GLI2: variants seen among roughly 807,000 people sequenced by gnomAD.
GLI2 encodes transcription activator GLI2.
Under a neutral mutation model 78.9 loss-of-function variants are expected in GLI2, and 22 were observed. The observed-to-expected ratio is 0.28, with a 90% CI of 0.20 to 0.40. The LOEUF (loss-of-function observed/expected upper bound fraction) is 0.40. Among genes scored for constraint, GLI2 ranks in the 10% least tolerant of loss-of-function variants. The pLI is 1.00. For synonymous variants in GLI2, 974 were observed against 963.7 expected, an observed-to-expected ratio of 1.01 and a Z score of -0.20; for missense variants, 2,097 against 2,213.2, an observed-to-expected ratio of 0.95 and a Z score of 1.05.
intron 5 of GLI2, among the ~76,000 whole-genome samples, chr2:120,957,558 C>T (rs1446190968): frequency 6.6e-6 from 1 of 152,242 alleles, no homozygotes; most frequent in Non-Finnish European, 1.5e-5. Context: ...AAGCAGGACC[C>T]TTCTTCCAAG....
chr2:120,755,684 C>T (rs1040509651), intron 1 of GLI2, among the ~76,000 whole-genome samples: 5 of 151,812 alleles, frequency 3.3e-5, no homozygotes, highest in African/African-American at 4.8e-5. Flanking sequence ...AGGATTTTCT[C>T]TTATGTTTTC....
rs1292942719 is a variant in GLI2, at chr2:120,988,803, C to T, written c.2838C>T (p.Gly946=). The change falls in exon 14 of 14, where the codon GGC becomes GGT. Residue 946 remains glycine, a synonymous_variant. Coordinates refer to ENST00000361492, the MANE Select transcript of GLI2 (RefSeq NM_001374353.1). ...CCGCCTTCCCCCACGAGGCTCCAGG[C>T]GGCGGAGCCAGGCGGGCCAGCGACC... ...AAPAFPHEAP[G]GGARRASDPV... is the part of the protein sequence containing the mutation. 8 of 1,398,344 alleles carry T rather than the reference C, an allele frequency of 5.7e-6. No individual in the cohort carries two copies. The highest frequency in any genetic ancestry group is 1.5e-5 in the African/African-American group (1 of 65,532). 86.6% of individuals were successfully genotyped at this position (1,398,344 alleles called of 1,614,324 possible).
At chr2:120,847,118 C>T (rs999646107) in intron 2 of GLI2, among the ~76,000 whole-genome samples, 22 of 151,946 alleles carry the variant, frequency 1.4e-4, no homozygotes, top group African/African-American at 4.8e-4. Context: ...AACCAATCAT[C>T]CGGGTTTGCC....
chr2:120,938,152 G>A (rs1398533740), intron 3 of GLI2, among the ~76,000 whole-genome samples: 1 of 152,154 alleles, frequency 6.6e-6, no homozygotes, highest in East Asian at 1.9e-4. Flanking sequence ...CACCTGGAGA[G>A]GGCCTAAGCA....
Position 120,736,207 on chromosome 2 carries a change from G to A in GLI2, c.-109G>A, listed in dbSNP as rs1168943923. On this transcript the variant is annotated 5_prime_UTR_variant, in exon 1 of 14. Coordinates refer to ENST00000361492, the MANE Select transcript of GLI2 (RefSeq NM_001374353.1). ...AGCCGAGGGTCGCCGCGCCAGCCAAGGTGGGATGGGGGCCCACAGCCACCG... is the reference window on the plus strand; with the variant it reads ...AGCCGAGGGTCGCCGCGCCAGCCAAAGTGGGATGGGGGCCCACAGCCACCG... The A allele has an allele frequency of 1.3e-5, 2 of 152,150 alleles. No individual in the cohort carries two copies. Among genetic ancestry groups the A allele is most frequent in the Admixed American group, 6.5e-5 (1 of 15,282 alleles). 9.4% of individuals were successfully genotyped at this position (152,150 alleles called of 1,614,324 possible).
At chr2:120,786,345 C>G (rs1294367445) in intron 1 of GLI2, among the ~76,000 whole-genome samples, 4 of 152,210 alleles carry the variant, frequency 2.6e-5, no homozygotes, top group Non-Finnish European at 5.9e-5. Flanking sequence ...TGAGATTTGT[C>G]CTTGATCTGC....
Position 120,988,842 on chromosome 2 carries a change from C to T in GLI2, c.2877C>T (p.Pro959=), listed in dbSNP as rs1293193965. Residue 959 remains proline, a synonymous_variant, in exon 14 of 14, where the codon CCC becomes CCT. Transcript: ENST00000361492. ...GGGCCAGCGACCCTGTGCGGCGGCC[C>T]GATGCCCTGTCCCTGCCGCGGGTGC... ...ARRASDPVRR[P]DALSLPRVQR... The T allele has an allele frequency of 5.4e-6, 8 of 1,481,308 alleles. No homozygotes were observed. The African/African-American group carries it at 5.9e-5, about 11-fold the overall frequency. The allele number at this position is 1,481,308 out of a possible 1,614,324, so 91.8% of individuals were successfully genotyped here.
chr2:120,839,634 C>G (rs1686775176), intron 2 of GLI2, among the ~76,000 whole-genome samples: 1 of 152,202 alleles, frequency 6.6e-6, no homozygotes, highest in African/African-American at 2.4e-5. Flanking sequence ...ACGAATTCAG[C>G]TCACTGCAAC....
At chr2:120,830,207 C>T (rs1165761063) in intron 2 of GLI2, among the ~76,000 whole-genome samples, 2 of 152,172 alleles carry the variant, frequency 1.3e-5, no homozygotes, top group Admixed American at 6.5e-5. Flanking sequence ...CCTGGTGCAG[C>T]CACCTGCACC....
In GLI2 at chr2:120,975,092, C is replaced by G. The variant is rs767205563; in HGVS notation, c.1300C>G (p.Gln434Glu). The G allele has an allele frequency of 6.8e-6, 11 of 1,613,954 alleles. No homozygotes were observed. The highest frequency in any genetic ancestry group is 9.3e-6 in the Non-Finnish European group (11 of 1,180,024). Residue 434 changes from glutamine (Q) to glutamate (E), a missense_variant, in exon 9 of 14, where the codon CAG becomes GAG. Physicochemically the swap from Gln to Glu is conservative, Grantham distance 29. Coordinates refer to ENST00000361492, the MANE Select transcript of GLI2 (RefSeq NM_001374353.1). ...WEDCTKEYDT[Q>E]EQLVHHINNE... is the part of the protein sequence containing the mutation. The stretch of plus-strand genomic sequence containing the variant: ...AGACTGCACCAAGGAGTACGACACC[C>G]AGGAGCAGCTGGTGCATGTAAGCTT...
chr2:120,895,999 A>T (rs539966205), intron 2 of GLI2, among the ~76,000 whole-genome samples: 2 of 152,288 alleles, frequency 1.3e-5, no homozygotes, highest in South Asian at 4.1e-4. Flanking sequence ...TTTATGGGTG[A>T]GGAAACTGAG....
At position 120,990,611 on chromosome 2, in the gene GLI2, G is replaced by T; in HGVS notation, c.4646G>T (p.Gly1549Val). Reference protein sequence around the residue: ...IPAGISNMAVGDMSSMLTSLA... With the variant: ...IPAGISNMAVVDMSSMLTSLA... The stretch of plus-strand genomic sequence containing the variant: ...GCAGGCATCAGCAACATGGCTGTCG[G>T]GGACATGAGCTCCATGCTCACCAGC... Residue 1549 changes from glycine to valine, a missense_variant, in exon 14 of 14, where the codon GGG (glycine) becomes GTG (valine). Gly to Val is a moderately radical substitution (Grantham distance 109). Transcript: ENST00000361492. 6.2e-7 allele frequency: 1 copy of T among 1,613,758 alleles called. No homozygotes were observed. Among genetic ancestry groups the T allele is most frequent in the Non-Finnish European group, 8.5e-7 (1 of 1,179,828 alleles).
chr2:120,750,387 A>AG (rs1313856142), intron 1 of GLI2, among the ~76,000 whole-genome samples: 7 of 152,250 alleles, frequency 4.6e-5, no homozygotes, highest in Admixed American at 3.3e-4. Flanking sequence ...GGGAAGGGAC[A>AG]GGTGCATCAG....
chr2:120,821,562 G>A (rs549890335), intron 2 of GLI2, among the ~76,000 whole-genome samples: 18 of 152,200 alleles, frequency 1.2e-4, no homozygotes, highest in African/African-American at 4.3e-4. Flanking sequence ...GAGAGAGCCT[G>A]GTGGGCCCTG....
At chr2:120,793,747 G>A (rs1558798918) in intron 1 of GLI2, among the ~76,000 whole-genome samples, 1 of 152,226 alleles carries the variant, frequency 6.6e-6, no homozygotes, top group Non-Finnish European at 1.5e-5. Context: ...CTGAGCCACA[G>A]TCTGGGAGCT....
chr2:120,886,195 T>C (rs1558857783), intron 2 of GLI2, among the ~76,000 whole-genome samples: 1 of 39,944 alleles, frequency 2.5e-5, no homozygotes, highest in Admixed American at 2.3e-4. Context: ...TGTGTGTGTG[T>C]GTGTGTGTGT....
At chr2:120,908,835 G>C (rs1024094744) in intron 2 of GLI2, among the ~76,000 whole-genome samples, 1 of 152,200 alleles carries the variant, frequency 6.6e-6, no homozygotes, top group African/African-American at 2.4e-5. Flanking sequence ...CAGAAAGGAA[G>C]GGGGGAGCCA....
intron 5 of GLI2, among the ~76,000 whole-genome samples, chr2:120,958,810 A>T (rs1681400749): frequency 6.6e-6 from 1 of 152,174 alleles, no homozygotes; most frequent in South Asian, 2.1e-4. Flanking sequence ...CAAGCCACCA[A>T]CTAGCTCCAC....
At chr2:120,782,300 T>C (rs768344302) in intron 1 of GLI2, among the ~76,000 whole-genome samples, 10 of 152,202 alleles carry the variant, frequency 6.6e-5, no homozygotes, top group Non-Finnish European at 1.0e-4. Flanking sequence ...GTGGTAGACT[T>C]CCTTCAGGGA....
Sources: gnomAD v4.1 joint callset for allele counts (sites outside exome capture counted in the v4.1 genomes callset) on GRCh38, gnomAD v4.1.1 for gene constraint, MANE v1.5 for transcripts, NCBI Gene and HGNC (gene_info 2026-07-23, HGNC 2026-07-21) for gene names.